The following ROBO1 variants were observed in gnomAD, a reference collection of about 807,000 sequenced individuals.
ROBO1 encodes roundabout guidance receptor 1.
In ROBO1, 149 loss-of-function variants were observed where a neutral mutation model predicts 195.9. The observed-to-expected ratio is 0.76, with a 90% CI of 0.67 to 0.87. The LOEUF (loss-of-function observed/expected upper bound fraction) is 0.87. Among genes scored for constraint, ROBO1 ranks in the 40% least tolerant of loss-of-function variants. The pLI is 0.00. For synonymous variants in ROBO1, 816 were observed against 733.2 expected (o/e 1.11, Z -1.82); for missense variants, 1,933 against 2,068.3 (o/e 0.93, Z 1.27).
At chr3:78,627,207 G>T in intron 26 of ROBO1, 114 bp downstream of exon 26, 1 of 1,151,538 alleles carries the variant, frequency 8.7e-7, no homozygotes, top group South Asian at 1.6e-5. Context: ...GGATGATACT[G>T]CCAGAAAAGG....
chr3:78,791,713 C>A (rs1034492271), intron 4 of ROBO1, among the ~76,000 whole-genome samples: 4 of 152,188 alleles, frequency 2.6e-5, no homozygotes, highest in Non-Finnish European at 5.9e-5. Context: ...ACATCCATTT[C>A]TTTATCCTAA....
chr3:79,627,621 CAA>C (rs1311997593), intron 1 of ROBO1, among the ~76,000 whole-genome samples: 3 of 42,142 alleles, frequency 7.1e-5, no homozygotes, highest in Non-Finnish European at 1.4e-4. Flanking sequence ...ATGCCAAAAG[CAA>C]AGACAATAAA....
At chr3:79,256,744 T>A (rs1353635352) in intron 2 of ROBO1, among the ~76,000 whole-genome samples, 1 of 152,120 alleles carries the variant, frequency 6.6e-6, no homozygotes, top group Non-Finnish European at 1.5e-5. Context: ...CATGACAACC[T>A]ACTGATGAAG....
chr3:79,726,728 C>T (rs1702941945), intron 1 of ROBO1, among the ~76,000 whole-genome samples: 1 of 152,088 alleles, frequency 6.6e-6, no homozygotes, highest in South Asian at 2.1e-4. Flanking sequence ...TACATTTGTA[C>T]CTATATTTCT....
At chr3:78,951,721 G>A (rs1412708344) in intron 3 of ROBO1, among the ~76,000 whole-genome samples, 1 of 152,042 alleles carries the variant, frequency 6.6e-6, no homozygotes, top group Non-Finnish European at 1.5e-5. Flanking sequence ...ATATAAACAT[G>A]AGTGACTGAA....
At chr3:79,744,450 G>T (rs778571658) in intron 1 of ROBO1, among the ~76,000 whole-genome samples, 8 of 152,146 alleles carry the variant, frequency 5.3e-5, no homozygotes, top group Non-Finnish European at 7.4e-5. Context: ...GATGTCTGAA[G>T]GTAGGGCCTT....
intron 3 of ROBO1, among the ~76,000 whole-genome samples, chr3:78,946,864 G>C (rs1448069167): frequency 6.6e-6 from 1 of 152,058 alleles, no homozygotes; most frequent in East Asian, 1.9e-4. Flanking sequence ...AAAGGCAGGG[G>C]TTGCAATCCT....
At chr3:79,032,897 C>T (rs774222071) in intron 3 of ROBO1, among the ~76,000 whole-genome samples, 2 of 151,998 alleles carry the variant, frequency 1.3e-5, no homozygotes, top group African/African-American at 2.4e-5. Flanking sequence ...ACACAATGCT[C>T]TATTGCCCTC....
chr3:78,974,855 A>G (rs769601395), intron 3 of ROBO1, among the ~76,000 whole-genome samples: 15 of 152,320 alleles, frequency 9.8e-5, no homozygotes, highest in Non-Finnish European at 1.9e-4. Flanking sequence ...CCCAAATTTA[A>G]AAGTCCCTAT....
At chr3:79,721,845 G>T (rs1163865674) in intron 1 of ROBO1, among the ~76,000 whole-genome samples, 2 of 151,974 alleles carry the variant, frequency 1.3e-5, no homozygotes, top group Admixed American at 1.3e-4. Context: ...AACTTTCATT[G>T]AATTCCCATT....
intron 2 of ROBO1, among the ~76,000 whole-genome samples, chr3:79,151,625 T>A (rs1193645518): frequency 2.0e-5 from 3 of 151,806 alleles, no homozygotes; most frequent in Non-Finnish European, 4.4e-5. Context: ...TAACTTTAAA[T>A]GACTTTCTAA....
At chr3:79,106,203 A>G (rs1559662990) in intron 3 of ROBO1, among the ~76,000 whole-genome samples, 2 of 151,736 alleles carry the variant, frequency 1.3e-5, no homozygotes, top group Non-Finnish European at 3.0e-5. Context: ...GAATGAAAAC[A>G]TATTATTGTT....
intron 28 of ROBO1, among the ~76,000 whole-genome samples, chr3:78,608,189 A>G (rs1043970645): frequency 5.3e-5 from 8 of 151,984 alleles, no homozygotes; most frequent in African/African-American, 1.9e-4. Flanking sequence ...ATCTCAGCTC[A>G]CTGCAGCCTC....
At chr3:79,703,370 G>A (rs1407221167) in intron 1 of ROBO1, among the ~76,000 whole-genome samples, 2 of 151,634 alleles carry the variant, frequency 1.3e-5, no homozygotes, top group East Asian at 3.9e-4. Flanking sequence ...AGTCCAATGT[G>A]TATCTGATAA....
At chr3:79,345,755 C>A (rs1457642937) in intron 2 of ROBO1, among the ~76,000 whole-genome samples, 1 of 152,138 alleles carries the variant, frequency 6.6e-6, no homozygotes, top group African/African-American at 2.4e-5. Flanking sequence ...CTTACCCTGC[C>A]ATACATTCCA....
At chr3:79,707,575 C>A (rs1947812514) in intron 1 of ROBO1, among the ~76,000 whole-genome samples, 1 of 152,162 alleles carries the variant, frequency 6.6e-6, no homozygotes, top group South Asian at 2.1e-4. Flanking sequence ...GTGGTGCAAT[C>A]TCGGCTCACT....
chr3:79,282,632 T>C (rs2031598028), intron 2 of ROBO1, among the ~76,000 whole-genome samples: 1 of 152,182 alleles, frequency 6.6e-6, no homozygotes, highest in Non-Finnish European at 1.5e-5. Flanking sequence ...CTTGGAGAAT[T>C]AGGTAGATGT....
chr3:79,752,114 C>T (rs1166845703), intron 1 of ROBO1, among the ~76,000 whole-genome samples: 2 of 152,114 alleles, frequency 1.3e-5, no homozygotes, highest in African/African-American at 2.4e-5. Context: ...AGGAACAACA[C>T]ACCATGGAAG....
intron 5 of ROBO1, among the ~76,000 whole-genome samples, chr3:78,718,362 G>A (rs1046458987): frequency 6.6e-6 from 1 of 152,124 alleles, no homozygotes; most frequent in Non-Finnish European, 1.5e-5. Context: ...AACTTAATTT[G>A]CCAGAGTTGC....
Sources: allele counts gnomAD v4.1 joint callset (sites outside exome capture counted in the v4.1 genomes callset), GRCh38; gene constraint gnomAD v4.1.1; transcripts MANE v1.5; gene names NCBI Gene and HGNC (gene_info 2026-07-23, HGNC 2026-07-21).